The following HCN1 variants were observed in gnomAD, a reference collection of about 807,000 sequenced individuals.
HCN1 encodes hyperpolarization activated cyclic nucleotide gated potassium channel 1, also known as potassium/sodium hyperpolarization-activated cyclic nucleotide-gated channel 1.
Under a neutral mutation model 78.9 loss-of-function variants are expected in HCN1, and 13 were observed. The observed-to-expected ratio is 0.16, with a 90% CI of 0.11 to 0.26. HCN1 has a LOEUF of 0.26. Among genes scored for constraint, HCN1 ranks in the 10% least tolerant of loss-of-function variants. The pLI, the probability that HCN1 is intolerant of heterozygous loss-of-function variation, is 1.00. For missense variants in HCN1, 810 were observed against 1,154.3 expected, an observed-to-expected ratio of 0.70 and a Z score of 4.32; for synonymous variants, 552 against 455.5, an observed-to-expected ratio of 1.21 and a Z score of -2.70.
At chr5:45,402,078 T>A (rs553464057) in intron 3 of HCN1, among the ~76,000 whole-genome samples, 75 of 152,064 alleles carry the variant, frequency 4.9e-4, no homozygotes, top group African/African-American at 1.7e-3. Flanking sequence ...ATAGTATGTG[T>A]GTGTACATAT....
At chr5:45,616,291 GAAT>G (rs1028702646) in intron 2 of HCN1, among the ~76,000 whole-genome samples, 1 of 151,842 alleles carries the variant, frequency 6.6e-6, no homozygotes, top group Non-Finnish European at 1.5e-5. Flanking sequence ...TTCAGGAAAC[GAAT>G]AATGGAAAAG....
At chr5:45,516,440 T>C (rs970248784) in intron 2 of HCN1, among the ~76,000 whole-genome samples, 4 of 152,022 alleles carry the variant, frequency 2.6e-5, no homozygotes, top group African/African-American at 7.2e-5. Flanking sequence ...TTTTCTTCTT[T>C]TGTTTCTCTT....
chr5:45,411,080 T>G (rs2112055978), intron 3 of HCN1, among the ~76,000 whole-genome samples: 1 of 152,178 alleles, frequency 6.6e-6, no homozygotes, highest in Admixed American at 6.6e-5. Context: ...GTTAAATCCC[T>G]AGAGAATCAC....
chr5:45,614,110 C>T (rs1186090684), intron 2 of HCN1, among the ~76,000 whole-genome samples: 1 of 152,122 alleles, frequency 6.6e-6, no homozygotes, highest in Non-Finnish European at 1.5e-5. Flanking sequence ...TAACAATGGA[C>T]ATCTGTTGTT....
intron 5 of HCN1, among the ~76,000 whole-genome samples, chr5:45,343,928 C>A (rs1284986125): frequency 6.6e-6 from 1 of 151,646 alleles, no homozygotes; most frequent in African/African-American, 2.4e-5. Flanking sequence ...AAAAGTGGTC[C>A]CAGCATCTTA....
At chr5:45,569,369 A>T (rs1252296573) in intron 2 of HCN1, among the ~76,000 whole-genome samples, 1 of 152,210 alleles carries the variant, frequency 6.6e-6, no homozygotes, top group Non-Finnish European at 1.5e-5. Context: ...TAAATGTAAT[A>T]TTAAAGGTTT....
chr5:45,266,669 C>G (rs185367078), intron 7 of HCN1, among the ~76,000 whole-genome samples: 1 of 150,080 alleles, frequency 6.7e-6, no homozygotes, highest in African/African-American at 2.4e-5. Context: ...TATTTCTACA[C>G]AAATTAACAA....
intron 2 of HCN1, among the ~76,000 whole-genome samples, chr5:45,517,848 C>T (rs988261396): frequency 1.3e-5 from 2 of 151,984 alleles, no homozygotes; most frequent in African/African-American, 4.8e-5. Flanking sequence ...ATGTTGTCCC[C>T]ATACCAGCTT....
At chr5:45,579,486 A>G (rs923971596) in intron 2 of HCN1, among the ~76,000 whole-genome samples, 1 of 152,052 alleles carries the variant, frequency 6.6e-6, no homozygotes, top group Admixed American at 6.6e-5. Flanking sequence ...GCAAGTATCT[A>G]CCATGGTCTC....
rs1436860857 is a variant in HCN1 at position 45,589,477 on chromosome 5, G to A, written c.849+55708C>T. ...ATGACAAGTAAAGGTCATAGCCCAT[G>A]TGTGGAGAATTGACTCTGTTAAGGT... On this transcript the variant is annotated intron_variant, in intron 2 of 7. Coordinates refer to ENST00000303230, the MANE Select transcript of HCN1 (RefSeq NM_021072.4). 2.0e-5 allele frequency among the ~76,000 whole-genome samples: 3 copies of A among 152,314 alleles called. No homozygotes were observed. In the East Asian group the frequency reaches 5.8e-4, roughly 29 times the overall value.
chr5:45,631,173 C>T (rs1745264054), intron 2 of HCN1, among the ~76,000 whole-genome samples: 1 of 152,176 alleles, frequency 6.6e-6, no homozygotes, highest in South Asian at 2.1e-4. Flanking sequence ...CATACCCTGT[C>T]TCCATCTCTC....
chr5:45,482,705 C>T (rs1199504112), intron 2 of HCN1, among the ~76,000 whole-genome samples: 3 of 152,036 alleles, frequency 2.0e-5, no homozygotes, highest in Admixed American at 6.6e-5. Context: ...ATATGAATCC[C>T]GTCACCCAGG....
intron 6 of HCN1, among the ~76,000 whole-genome samples, chr5:45,268,323 T>A (rs1744899363): frequency 6.6e-6 from 1 of 152,212 alleles, no homozygotes; most frequent in Non-Finnish European, 1.5e-5. Flanking sequence ...TTTCCAAAAA[T>A]TATGATTTGA....
At chr5:45,628,014 T>C (rs575356607) in intron 2 of HCN1, among the ~76,000 whole-genome samples, 3 of 152,324 alleles carry the variant, frequency 2.0e-5, no homozygotes, top group South Asian at 2.1e-4. Context: ...TACAAAAGCA[T>C]AGACGCAAAT....
At chr5:45,549,787 A>G (rs1212471586) in intron 2 of HCN1, among the ~76,000 whole-genome samples, 6 of 152,140 alleles carry the variant, frequency 3.9e-5, no homozygotes, top group Non-Finnish European at 7.3e-5. Context: ...CAAAGAACTC[A>G]AACAAATTTA....
In HCN1 at chr5:45,505,052, C is replaced by T. The variant is rs189939391; in HGVS notation, c.850-43045G>A. On this transcript the variant is annotated intron_variant, in intron 2 of 7. Transcript: ENST00000303230. ...AAATTTTCTCCCATTCTGTAGGTTG[C>T]CTGTTCACTCTGATGGTAGTTTCTT... is the stretch of plus-strand genomic sequence containing the variant. 7.2e-3 allele frequency among the ~76,000 whole-genome samples: 1,102 copies of T among 152,160 alleles called. 91 individuals carry two copies. In the East Asian group the frequency reaches 0.18, roughly 25 times the overall value.
intron 6 of HCN1, among the ~76,000 whole-genome samples, chr5:45,291,796 C>T (rs1745381963): frequency 4.6e-5 from 7 of 152,000 alleles, no homozygotes; most frequent in Admixed American, 4.6e-4. Context: ...CCCCAAAGTG[C>T]CGGGAATACA....
At chr5:45,466,062 A>G (rs1026606777) in intron 2 of HCN1, among the ~76,000 whole-genome samples, 1 of 152,212 alleles carries the variant, frequency 6.6e-6, no homozygotes, top group Non-Finnish European at 1.5e-5. Flanking sequence ...AATATTTGCG[A>G]ATCGTTCATC....
At chr5:45,418,684 G>T (rs1740166463) in intron 3 of HCN1, among the ~76,000 whole-genome samples, 1 of 151,960 alleles carries the variant, frequency 6.6e-6, no homozygotes, top group African/African-American at 2.4e-5. Flanking sequence ...GATTAACACA[G>T]ATGTGGAAAA....
Sources: gnomAD v4.1 joint callset for allele counts (sites outside exome capture counted in the v4.1 genomes callset) on GRCh38, gnomAD v4.1.1 for gene constraint, MANE v1.5 for transcripts, NCBI Gene and HGNC (gene_info 2026-07-23, HGNC 2026-07-21) for gene names.